The following PISD variants were observed in gnomAD, a reference collection of about 807,000 sequenced individuals.
PISD encodes the protein phosphatidylserine decarboxylase.
PISD carries 31 observed loss-of-function variants against 43.5 expected under a neutral mutation model. The ratio of observed to expected loss-of-function variants is 0.71; its 90% CI spans 0.54 to 0.96. The LOEUF (loss-of-function observed/expected upper bound fraction) is 0.96, where lower values mean the gene tolerates loss of function less well. PISD is among the 40% of genes least tolerant of loss of function. The pLI is 0.00. For missense variants in PISD, 523 were observed against 548.4 expected, an observed-to-expected ratio of 0.95 and a Z score of 0.46; for synonymous variants, 259 against 228.7, an observed-to-expected ratio of 1.13 and a Z score of -1.20.
chr22:31,649,606 G>C (rs1266417801), intron 2 of PISD, among the ~76,000 whole-genome samples: 1 of 151,984 alleles, frequency 6.6e-6, no homozygotes, highest in Non-Finnish European at 1.5e-5. Context: ...GGTGGTGGGT[G>C]CCTGTAGCCC....
At chr22:31,628,903 A>G in intron 3 of PISD, 1 of 985,300 alleles carries the variant, frequency 1.0e-6, no homozygotes, top group South Asian at 4.7e-5. Context: ...AGGGGTTTCC[A>G]CCACAGGAAA....
At chr22:31,636,982 C>CT (rs951095802) in intron 3 of PISD, among the ~76,000 whole-genome samples, 13 of 151,194 alleles carry the variant, frequency 8.6e-5, no homozygotes, top group East Asian at 3.9e-4. Flanking sequence ...AACCTTTTCC[C>CT]TTTTTTTAAA....
At chr22:31,637,176 T>A (rs1436251895) in intron 3 of PISD, among the ~76,000 whole-genome samples, 3 of 43,310 alleles carry the variant, frequency 6.9e-5, no homozygotes, top group African/African-American at 1.4e-4. Context: ...TATATATATA[T>A]ATATATATAT....
chr22:31,654,550 G>A (rs1012250433), intron 1 of PISD, among the ~76,000 whole-genome samples: 8 of 152,114 alleles, frequency 5.3e-5, no homozygotes, highest in African/African-American at 1.2e-4. Context: ...GCTCCTGCCC[G>A]AGTTCTCTAT....
Position 31,646,697 on chromosome 22 carries a change from G to A in PISD, c.321+1404C>T, listed in dbSNP as rs140393171. On this transcript the variant is annotated intron_variant, in intron 3 of 7. Transcript: ENST00000439502. Reference sequence around the variant, plus strand: ...AGGGGGGTCATGCAGTCACAGTCACGTGCTACCTACACTTTACAAGTACTT... The same window carrying A: ...AGGGGGGTCATGCAGTCACAGTCACATGCTACCTACACTTTACAAGTACTT... Among the ~76,000 whole-genome samples the A allele has an allele frequency of 3.1e-3, 469 of 152,176 alleles. 2 individuals carry two copies. Among genetic ancestry groups the A allele is most frequent in the Non-Finnish European group, 5.6e-3 (383 of 68,000 alleles).
intron 1 of PISD, among the ~76,000 whole-genome samples, chr22:31,651,989 G>A (rs936442170): frequency 7.2e-5 from 11 of 152,008 alleles, no homozygotes; most frequent in South Asian, 4.1e-4. Context: ...CTGTATCCGA[G>A]TCAATAAACA....
chr22:31,623,966 T>A, intron 3 of PISD: 1 of 892,138 alleles, frequency 1.1e-6, no homozygotes, highest in Non-Finnish European at 1.7e-6. Flanking sequence ...CTTGGCAAGC[T>A]GCCTCTCCAT....
At chr22:31,621,176 C>A (rs372611579) in intron 5 of PISD, 34 bp from the exon 6 acceptor site, 447 of 1,613,744 alleles carry the variant, frequency 2.8e-4, no homozygotes, top group Non-Finnish European at 3.4e-4. Flanking sequence ...GGGCCACCAA[C>A]ACAGTGAGCA....
At chr22:31,640,880 G>GTTTTTTTTTTT (rs1214973570) in intron 3 of PISD, among the ~76,000 whole-genome samples, 780 of 24,584 alleles carry the variant, frequency 0.032, 286 homozygotes, top group Admixed American at 0.085. Context: ...CACACCCGGT[G>GTTTTTTTTTTT]TTTTTTTTTT....
At chr22:31,629,089 C>A in intron 3 of PISD, 1 of 985,402 alleles carries the variant, frequency 1.0e-6, no homozygotes, top group Non-Finnish European at 1.2e-6. Context: ...GGCAGTGTCC[C>A]CACCCGTCCC....
intron 3 of PISD, chr22:31,623,855 G>T: frequency 6.2e-6 from 10 of 1,612,056 alleles, no homozygotes; most frequent in Non-Finnish European, 8.5e-6. Context: ...GCAACCTGCA[G>T]GGCACAGGTC....
rs1378842769 is a variant in PISD at position 31,621,802 on chromosome 22, C to T, written c.405G>A (p.Leu135=). ...TGTACAGGCTGTAGACGGGCCTGCG[C>T]AGCCAGTGTGGCAGCTCCACCTGAT... ...RLNQVELPHW[L]RRPVYSLYIW... The change falls in exon 4 of 8, where the codon CTG becomes CTA. Residue 135 remains leucine, a synonymous_variant. Transcript: ENST00000439502. 6.2e-7 allele frequency: 1 copy of T among 1,613,920 alleles called. No homozygotes were observed. Among genetic ancestry groups the T allele is most frequent in the South Asian group, 1.1e-5 (1 of 91,086 alleles).
rs11556540 is a variant in PISD, at chr22:31,618,700, G to A, written c.*912C>T. Reference sequence around the variant, plus strand: ...GCCACTGGGGGCTCCCCAGGCCTGCGTTCCTGATAAACTGGGACAGGTTTT... The same window carrying A: ...GCCACTGGGGGCTCCCCAGGCCTGCATTCCTGATAAACTGGGACAGGTTTT... On this transcript the variant is annotated 3_prime_UTR_variant, in exon 8 of 8. Transcript: ENST00000439502. 26 of 317,814 alleles carry A rather than the reference G, an allele frequency of 8.2e-5. No homozygotes were observed. In the East Asian group the frequency reaches 9.4e-4, roughly 11 times the overall value. 19.7% of individuals were successfully genotyped at this position (317,814 alleles called of 1,614,324 possible).
intron 3 of PISD, among the ~76,000 whole-genome samples, chr22:31,645,311 G>A (rs2073851853): frequency 1.3e-5 from 2 of 151,730 alleles, no homozygotes; most frequent in Non-Finnish European, 2.9e-5. Flanking sequence ...AGGCTGAGGT[G>A]GGAGGATGGC....
chr22:31,641,085 C>A (rs2073711496), intron 3 of PISD, among the ~76,000 whole-genome samples: 1 of 151,398 alleles, frequency 6.6e-6, no homozygotes, highest in African/African-American at 2.4e-5. Context: ...AGGGGTTCCA[C>A]CATGTTGGTC....
chr22:31,642,169 A>G (rs947269735), intron 3 of PISD, among the ~76,000 whole-genome samples: 4 of 151,292 alleles, frequency 2.6e-5, no homozygotes, highest in African/African-American at 9.9e-5. Context: ...CCACTGAGGA[A>G]GAGCCAAGAG....
intron 2 of PISD, 36 bp downstream of exon 2, chr22:31,650,663 G>C: frequency 8.1e-7 from 1 of 1,235,662 alleles, no homozygotes; most frequent in Non-Finnish European, 1.2e-6. Context: ...AACTGAGGCA[G>C]AGAGAGGGTC....
chr22:31,637,204 T>TATATATATAC (rs1267117734), intron 3 of PISD, among the ~76,000 whole-genome samples: 3 of 95,796 alleles, frequency 3.1e-5, no homozygotes, highest in African/African-American at 8.7e-5. Flanking sequence ...TATATATATA[T>TATATATATAC]ATAGAAAAAT....
Position 31,620,677 on chromosome 22 carries a change from C to T in PISD, c.881G>A (p.Trp294Ter). The change falls in exon 7 of 8, where the codon TGG becomes TAG. Residue 294 changes from tryptophan (W) to a stop codon, truncating the protein, a stop_gained. Transcript: ENST00000439502. LOFTEE classifies it high-confidence loss of function. ...LMSVNPGMAR[W>*]IKELFCHNER... Reference sequence around the variant, plus strand: ...GTTATGGCAGAAGAGCTCTTTGATCCAGCGAGCCATGCCAGGGTTCACTGA... The same window carrying T: ...GTTATGGCAGAAGAGCTCTTTGATCTAGCGAGCCATGCCAGGGTTCACTGA... The T allele has an allele frequency of 6.2e-7, 1 of 1,614,222 alleles. No homozygotes were observed.
Sources: gnomAD v4.1 joint callset for allele counts (sites outside exome capture counted in the v4.1 genomes callset) on GRCh38, gnomAD v4.1.1 for gene constraint, MANE v1.5 for transcripts, NCBI Gene and HGNC (gene_info 2026-07-23, HGNC 2026-07-21) for gene names.